TEK: variants seen among roughly 807,000 people sequenced by gnomAD.
The protein encoded by TEK is TEK receptor tyrosine kinase, also known as angiopoietin-1 receptor.
TEK carries 43 observed loss-of-function variants against 131.8 expected under a neutral mutation model. That is an observed-to-expected ratio of 0.33 (90% CI 0.26 to 0.42). The LOEUF (loss-of-function observed/expected upper bound fraction) is 0.42. TEK is among the 10% of genes least tolerant of loss of function. The pLI, the probability that TEK is intolerant of heterozygous loss-of-function variation, is 1.00. For missense variants in TEK, 1,162 were observed against 1,384.4 expected (o/e 0.84, Z 2.55); for synonymous variants, 580 against 491.6 (o/e 1.18, Z -2.38).
In TEK at chr9:27,109,556, A is replaced by T. The variant is rs766755321; in HGVS notation, c.-35A>T. On this transcript the variant is annotated 5_prime_UTR_variant, in exon 1 of 23. Coordinates refer to ENST00000380036, the MANE Select transcript of TEK (RefSeq NM_000459.5). ...AAAGGATCCTTGGGACCTCATGCAC[A>T]TTTGTGGAAACTGGATGGAGAGATT... is the stretch of plus-strand genomic sequence containing the variant. 5.6e-6 allele frequency: 9 copies of T among 1,613,392 alleles called. No individual in the cohort carries two copies. The East Asian group carries it at 1.8e-4, about 32-fold the overall frequency.
At position 27,207,741 on chromosome 9, in the gene TEK, G is replaced by A. The variant is rs976294575; in HGVS notation, c.2575+949G>A. The stretch of plus-strand genomic sequence containing the variant: ...TCTTAAGAGCTCTCTAAGGATGCTG[G>A]CAGATTTTTCTTTTTTTTTGGACCA... On this transcript the variant is annotated intron_variant, in intron 15 of 22. Transcript: ENST00000380036. 2.0e-5 allele frequency among the ~76,000 whole-genome samples: 3 copies of A among 152,100 alleles called. No individual in the cohort carries two copies. The South Asian group carries it at 6.2e-4, about 32-fold the overall frequency.
intron 1 of TEK, among the ~76,000 whole-genome samples, chr9:27,138,222 G>T (rs986555713): frequency 1.3e-5 from 2 of 152,248 alleles, no homozygotes; most frequent in African/African-American, 4.8e-5. Flanking sequence ...CCACAGTGTG[G>T]AAGGGGATCT....
chr9:27,203,011 G>T lies in TEK; in HGVS notation c.2101G>T (p.Gly701Cys). The part of the protein sequence containing the change: ...NATITQYQLK[G>C]LEPETAYQVD... ...CACCATCACTCAGTATCAGCTCAAG[G>T]GCCTAGAGCCTGAAACAGCATACCA... The change falls in exon 13 of 23, where the codon GGC becomes TGC. Residue 701 changes from glycine to cysteine, a missense_variant. Transcript: ENST00000380036. 1.2e-6 allele frequency: 2 copies of T among 1,614,068 alleles called. No individual in the cohort carries two copies. Among genetic ancestry groups the T allele is most frequent in the Non-Finnish European group, 1.7e-6 (2 of 1,179,982 alleles).
intron 16 of TEK, among the ~76,000 whole-genome samples, 198 bp from the exon 17 acceptor site, chr9:27,212,509 G>A (rs996029194): frequency 6.6e-5 from 10 of 152,120 alleles, no homozygotes; most frequent in East Asian, 5.8e-4. Flanking sequence ...AAAACCAAGC[G>A]TTGCAGCCTG....
intron 1 of TEK, among the ~76,000 whole-genome samples, chr9:27,123,927 C>G (rs1180786292): frequency 6.6e-6 from 1 of 152,194 alleles, no homozygotes; most frequent in South Asian, 2.1e-4. Context: ...CAGGTGCACA[C>G]CACCACACCC....
At chr9:27,153,276 G>A (rs954203131) in intron 1 of TEK, among the ~76,000 whole-genome samples, 3 of 150,534 alleles carry the variant, frequency 2.0e-5, no homozygotes, top group East Asian at 1.9e-4. Flanking sequence ...GTGAAACCCC[G>A]CCTCTACTAA....
rs1437763513 is a variant in TEK at position 27,158,152 on chromosome 9, C to T, written c.364+10C>T. 2 of 1,613,824 alleles carry T rather than the reference C, an allele frequency of 1.2e-6. No homozygotes were observed. Among genetic ancestry groups the T allele is most frequent in the Non-Finnish European group, 1.7e-6 (2 of 1,179,996 alleles). ...AAGATGCGTCAACAAGGTAACATGC[C>T]CCTAAGTTTTGGGCAGGTGAGGCCC... On this transcript the variant is annotated intron_variant, in intron 2 of 22. Transcript: ENST00000380036.
chr9:27,230,015 G>T lies in TEK; in HGVS notation c.*783G>T, dbSNP rs991956253. The T allele has an allele frequency of 2.6e-5, 4 of 152,180 alleles. No individual in the cohort carries two copies. Among genetic ancestry groups the T allele is most frequent in the African/African-American group, 9.7e-5 (4 of 41,400 alleles). 9.4% of individuals were successfully genotyped at this position (152,180 alleles called of 1,614,324 possible). On this transcript the variant is annotated 3_prime_UTR_variant, in exon 23 of 23. Coordinates refer to ENST00000380036, the MANE Select transcript of TEK (RefSeq NM_000459.5). ...AACAGAAAGCCTGGGTGACATTTGG[G>T]AGACATGTGACATTTATATATTGAA... is the stretch of plus-strand genomic sequence containing the variant.
chr9:27,191,077 G>C (rs1408263594), intron 10 of TEK, among the ~76,000 whole-genome samples: 1 of 152,196 alleles, frequency 6.6e-6, no homozygotes, highest in Non-Finnish European at 1.5e-5. Flanking sequence ...GGCTTAATCT[G>C]CCTAAATCCT....
intron 1 of TEK, among the ~76,000 whole-genome samples, chr9:27,149,601 C>T (rs1287974898): frequency 2.0e-5 from 3 of 152,160 alleles, no homozygotes; most frequent in Non-Finnish European, 4.4e-5. Context: ...CTCCTCCAAT[C>T]GTTCTCCGTG....
intron 1 of TEK, 59 bp from the exon 2 acceptor site, chr9:27,157,772 A>T (rs1263219661): frequency 6.3e-7 from 1 of 1,576,726 alleles, no homozygotes; most frequent in Non-Finnish European, 8.7e-7. Flanking sequence ...GCACCAGTTT[A>T]CCCAATGGGG....
intron 1 of TEK, among the ~76,000 whole-genome samples, chr9:27,122,184 T>C (rs1564038213): frequency 6.6e-6 from 1 of 152,180 alleles, no homozygotes; most frequent in East Asian, 1.9e-4. Context: ...CTGCTAGGCA[T>C]TGGAGTTCCA....
intron 6 of TEK, among the ~76,000 whole-genome samples, chr9:27,178,705 G>T (rs929541745): frequency 2.0e-5 from 3 of 152,170 alleles, no homozygotes; most frequent in African/African-American, 4.8e-5. Context: ...AGGACACCCA[G>T]TTAACAGAAT....
At chr9:27,155,220 T>C (rs1564064649) in intron 1 of TEK, among the ~76,000 whole-genome samples, 1 of 151,950 alleles carries the variant, frequency 6.6e-6, no homozygotes, top group Non-Finnish European at 1.5e-5. Context: ...GAAGGGGAGG[T>C]GTGTGCTGGT....
intron 18 of TEK, among the ~76,000 whole-genome samples, chr9:27,214,759 T>C (rs538131737): frequency 6.6e-6 from 1 of 152,226 alleles, no homozygotes. Flanking sequence ...CTGATGAGGG[T>C]GTGAAGCTGG....
At chr9:27,195,564 G>A (rs1824975482) in intron 11 of TEK, 2 of 446,474 alleles carry the variant, frequency 4.5e-6, no homozygotes, top group East Asian at 1.4e-4. Flanking sequence ...TACTGAGAAT[G>A]CATGAATTAG....
At chr9:27,148,874 G>C (rs1354014430) in intron 1 of TEK, among the ~76,000 whole-genome samples, 3 of 152,002 alleles carry the variant, frequency 2.0e-5, no homozygotes, top group Non-Finnish European at 2.9e-5. Context: ...TTTTCTACTT[G>C]GTCATTTAAC....
chr9:27,110,271 T>G (rs746033868), intron 1 of TEK, among the ~76,000 whole-genome samples: 1 of 151,962 alleles, frequency 6.6e-6, no homozygotes, highest in Non-Finnish European at 1.5e-5. Flanking sequence ...TCATAAAGGG[T>G]TTACTGGCCC....
At chr9:27,211,101 G>A (rs7870177) in intron 16 of TEK, among the ~76,000 whole-genome samples, 48,993 of 149,646 alleles carry the variant, frequency 0.33, 8,902 homozygotes, top group East Asian at 0.59. Flanking sequence ...CAGCCCAGGC[G>A]ACAGAGAGAG....
Sources: allele counts gnomAD v4.1 joint callset (sites outside exome capture counted in the v4.1 genomes callset), GRCh38; gene constraint gnomAD v4.1.1; transcripts MANE v1.5; gene names NCBI Gene and HGNC (gene_info 2026-07-23, HGNC 2026-07-21).